The following AGBL1 variants were observed in gnomAD, a reference collection of about 807,000 sequenced individuals.
AGBL1 encodes the protein cytosolic carboxypeptidase 4.
AGBL1 carries 130 observed loss-of-function variants against 118.9 expected under a neutral mutation model. That is an observed-to-expected ratio of 1.09 (90% CI 0.95 to 1.26). AGBL1 has a LOEUF of 1.26. Ranked by LOEUF, AGBL1 falls within the 50% of genes most tolerant of loss-of-function variation. AGBL1 has a pLI of 0.00. For missense variants in AGBL1, 1,584 were observed against 1,298.1 expected, an observed-to-expected ratio of 1.22 and a Z score of -3.38; for synonymous variants, 555 against 478.9, an observed-to-expected ratio of 1.16 and a Z score of -2.08.
chr15:86,150,855 C>G (rs1320401807), intron 3 of AGBL1, among the ~76,000 whole-genome samples: 1 of 152,036 alleles, frequency 6.6e-6, no homozygotes, highest in Non-Finnish European at 1.5e-5. Context: ...AACATTGATG[C>G]AAAAATCCTC....
Position 86,257,099 on chromosome 15 carries a change from G to A in AGBL1, c.901+81G>A, listed in dbSNP as rs192968319. On this transcript the variant is annotated intron_variant, in intron 8 of 22. Transcript: ENST00000614907. ...TTTCCCAGGAACATGGGTGAAAATA[G>A]AATTCGTTATTTTATAGGTCAACCA... The A allele has an allele frequency of 4.4e-4, 617 of 1,403,118 alleles. No homozygotes were observed. In the Middle Eastern group the frequency reaches 7.0e-3, roughly 16 times the overall value. The allele number at this position is 1,403,118 out of a possible 1,614,324, so 86.9% of individuals were successfully genotyped here.
At chr15:86,307,841 A>G (rs765638832) in intron 17 of AGBL1, among the ~76,000 whole-genome samples, 15 of 152,170 alleles carry the variant, frequency 9.9e-5, no homozygotes, top group Non-Finnish European at 2.2e-4. Flanking sequence ...CAATAATAAA[A>G]TGGACATCTA....
At chr15:86,570,666 G>A (rs976436428) in intron 21 of AGBL1, among the ~76,000 whole-genome samples, 6 of 152,162 alleles carry the variant, frequency 3.9e-5, no homozygotes, top group East Asian at 1.9e-4. Flanking sequence ...CGGTCTTAGC[G>A]AGCTTGGTCC....
At chr15:86,249,821 T>A (rs1415165000) in intron 7 of AGBL1, among the ~76,000 whole-genome samples, 1 of 152,166 alleles carries the variant, frequency 6.6e-6, no homozygotes, top group African/African-American at 2.4e-5. Context: ...CAGAGGGAAA[T>A]GTCTACGATA....
At chr15:86,166,288 C>T (rs1310743519) in intron 5 of AGBL1, among the ~76,000 whole-genome samples, 2 of 152,166 alleles carry the variant, frequency 1.3e-5, no homozygotes, top group Admixed American at 6.5e-5. Flanking sequence ...CTCAAGTTGC[C>T]GACAGCCTAT....
intron 21 of AGBL1, among the ~76,000 whole-genome samples, chr15:86,667,230 G>C (rs998256536): frequency 6.9e-6 from 1 of 145,088 alleles, no homozygotes; most frequent in East Asian, 2.2e-4. Context: ...ATGTATGTAT[G>C]TATGTATGTA....
At chr15:86,476,548 G>T (rs1056851529) in intron 18 of AGBL1, among the ~76,000 whole-genome samples, 3 of 152,118 alleles carry the variant, frequency 2.0e-5, no homozygotes, top group African/African-American at 4.8e-5. Context: ...AAATATATAT[G>T]CACCCAATAC....
At chr15:86,572,530 A>G (rs559706575) in intron 21 of AGBL1, among the ~76,000 whole-genome samples, 1 of 152,190 alleles carries the variant, frequency 6.6e-6, no homozygotes, top group Non-Finnish European at 1.5e-5. Context: ...GGCTCTGGAG[A>G]CTGTCCGCCT....
chr15:86,379,193 A>T (rs955349921), intron 17 of AGBL1, among the ~76,000 whole-genome samples: 1 of 152,054 alleles, frequency 6.6e-6, no homozygotes, highest in South Asian at 2.1e-4. Context: ...GATTACCAGC[A>T]TGAGCCACCG....
At chr15:87,015,402 TA>T (rs1477771777) in intron 24 of AGBL1, among the ~76,000 whole-genome samples, 3 of 152,262 alleles carry the variant, frequency 2.0e-5, no homozygotes, top group South Asian at 2.1e-4. Context: ...TCTATCTACC[TA>T]TTTTTCTATC....
chr15:86,844,426 A>C lies in AGBL1; in HGVS notation c.3159-62661A>C, dbSNP rs563220614. Among the ~76,000 whole-genome samples the C allele has an allele frequency of 1.8e-4, 27 of 152,176 alleles. 1 individual carries two copies. The South Asian group carries it at 5.4e-3, about 30-fold the overall frequency. ...TTCTAGTGAGTTGTATAGTGGTATC[A>C]CCTTGTGGTTTTCATTTGCATTTCC... is the stretch of plus-strand genomic sequence containing the variant. On this transcript the variant is annotated intron_variant, in intron 22 of 22. Coordinates refer to ENST00000614907, the MANE Select transcript of AGBL1 (RefSeq NM_001386094.1).
chr15:86,260,615 T>C (rs185047460), intron 9 of AGBL1, among the ~76,000 whole-genome samples: 52 of 152,326 alleles, frequency 3.4e-4, no homozygotes, highest in African/African-American at 1.2e-3. Context: ...TTGGGGATGA[T>C]AATCTGAAAC....
At chr15:86,083,418 T>C (rs574404230) in intron 1 of AGBL1, 1 of 152,338 alleles carries the variant, frequency 6.6e-6, no homozygotes, top group East Asian at 1.9e-4. Flanking sequence ...CTCTGCACTG[T>C]GATATGGGCA....
chr15:86,397,592 C>T, intron 18 of AGBL1, 46 bp downstream of exon 18: 1 of 1,527,562 alleles, frequency 6.5e-7, no homozygotes, highest in Non-Finnish European at 8.9e-7. Flanking sequence ...TATGCTACCA[C>T]AGTGACACTG....
At chr15:86,146,667 G>C (rs2077037594) in intron 3 of AGBL1, among the ~76,000 whole-genome samples, 1 of 152,324 alleles carries the variant, frequency 6.6e-6, no homozygotes, top group South Asian at 2.1e-4. Flanking sequence ...TACTATTGTA[G>C]TGATTACATC....
chr15:86,478,416 C>G (rs2082595025), intron 18 of AGBL1, among the ~76,000 whole-genome samples: 3 of 152,162 alleles, frequency 2.0e-5, no homozygotes, highest in Admixed American at 2.0e-4. Context: ...GCAAAAATCA[C>G]AAACATTCTT....
At position 87,005,633 on chromosome 15, in the gene AGBL1, G is replaced by A. The variant is rs546704895; in HGVS notation, c.3323+17545G>A. 1.8e-4 allele frequency among the ~76,000 whole-genome samples: 28 copies of A among 152,202 alleles called. No homozygotes were observed. The East Asian group carries it at 5.0e-3, about 27-fold the overall frequency. On this transcript the variant is annotated intron_variant, in intron 24 of 24. Transcript: ENST00000441037. ...TTTTTAACTTCTTTGCCATGGGTTC[G>A]AACTTCCTCCTCTAGCTCAGAGAAG...
At chr15:86,989,796 G>A (rs77956253) in intron 24 of AGBL1, among the ~76,000 whole-genome samples, 1,843 of 152,294 alleles carry the variant, frequency 0.012, 37 homozygotes, top group African/African-American at 0.042. Context: ...ATGACATTTA[G>A]GCAGGGATCA....
At chr15:86,661,864 C>T (rs976738231) in intron 21 of AGBL1, among the ~76,000 whole-genome samples, 1 of 152,156 alleles carries the variant, frequency 6.6e-6, no homozygotes, top group Non-Finnish European at 1.5e-5. Context: ...TTTAACTAGT[C>T]AAATGAATCA....
Sources: allele counts gnomAD v4.1 joint callset (sites outside exome capture counted in the v4.1 genomes callset), GRCh38; gene constraint gnomAD v4.1.1; transcripts MANE v1.5; gene names NCBI Gene and HGNC (gene_info 2026-07-23, HGNC 2026-07-21).